The following THSD7B variants were observed in gnomAD, a reference collection of about 807,000 sequenced individuals.
THSD7B encodes the protein thrombospondin type-1 domain-containing protein 7B.
A neutral mutation model predicts 213.6 loss-of-function variants in THSD7B; 138 were observed. That is an observed-to-expected ratio of 0.65 (90% CI 0.56 to 0.74). The LOEUF (loss-of-function observed/expected upper bound fraction) is 0.74, where lower values mean the gene tolerates loss of function less well. Ranked by LOEUF, THSD7B falls within the 30% of genes least tolerant of loss-of-function variation. The pLI is 0.00. For missense variants in THSD7B, 1,931 were observed against 1,991.5 expected (o/e 0.97, Z 0.58); for synonymous variants, 742 against 687.0 (o/e 1.08, Z -1.25).
chr2:137,203,925 C>T (rs544223940), intron 7 of THSD7B, among the ~76,000 whole-genome samples: 1 of 152,076 alleles, frequency 6.6e-6, no homozygotes, highest in African/African-American at 2.4e-5. Flanking sequence ...CTCCTCACAA[C>T]CTTTTCCTTG....
intron 15 of THSD7B, among the ~76,000 whole-genome samples, chr2:137,519,287 A>G (rs910108012): frequency 2.5e-5 from 3 of 119,800 alleles, no homozygotes; most frequent in African/African-American, 1.0e-4. Context: ...GAAAAAGGAA[A>G]AGGCCATTAT....
At chr2:137,154,221 T>C (rs910426654) in intron 5 of THSD7B, among the ~76,000 whole-genome samples, 6 of 152,252 alleles carry the variant, frequency 3.9e-5, no homozygotes, top group African/African-American at 1.2e-4. Context: ...AATCTCTACT[T>C]TTTTGAAAAT....
intron 15 of THSD7B, among the ~76,000 whole-genome samples, chr2:137,487,390 A>AAAAAAAAAAAAAAAC (rs1688481977): frequency 7.2e-6 from 1 of 138,586 alleles, no homozygotes; most frequent in Non-Finnish European, 1.6e-5. Context: ...AAAAAAAAAA[A>AAAAAAAAAAAAAAAC]AAAAAAAAAG....
At chr2:137,299,277 T>G (rs989241653) in intron 12 of THSD7B, among the ~76,000 whole-genome samples, 4 of 152,176 alleles carry the variant, frequency 2.6e-5, no homozygotes, top group African/African-American at 9.6e-5. Flanking sequence ...TGGCTGTATT[T>G]ACTCAATACC....
intron 12 of THSD7B, among the ~76,000 whole-genome samples, chr2:137,326,749 C>T (rs1373345015): frequency 6.6e-6 from 1 of 152,122 alleles, no homozygotes; most frequent in Non-Finnish European, 1.5e-5. Flanking sequence ...TTTTGGGGGA[C>T]TTAAAATACA....
rs143627045 is a variant in THSD7B, at chr2:137,624,504, A to C, written c.3799+3778A>C. ...GGATCTAATTAAAGAGCTACTGCAC[A>C]GCAAAAGAAACTACCATCAGAGTGA... On this transcript the variant is annotated intron_variant, in intron 20 of 27. Coordinates refer to ENST00000409968, the MANE Select transcript of THSD7B (RefSeq NM_001316349.2). Among the ~76,000 whole-genome samples, 379 of 152,372 alleles carry C rather than the reference A, an allele frequency of 2.5e-3. 3 individuals are homozygous for C. Among genetic ancestry groups the C allele is most frequent in the African/African-American group, 8.9e-3 (371 of 41,598 alleles).
At chr2:137,162,856 T>G (rs1261177534) in intron 6 of THSD7B, among the ~76,000 whole-genome samples, 1 of 152,028 alleles carries the variant, frequency 6.6e-6, no homozygotes, top group Non-Finnish European at 1.5e-5. Flanking sequence ...GCCTCCTGGG[T>G]TCAAGCAATT....
At chr2:136,825,078 G>A (rs906111050) in intron 1 of THSD7B, among the ~76,000 whole-genome samples, 2 of 152,042 alleles carry the variant, frequency 1.3e-5, no homozygotes, top group African/African-American at 4.8e-5. Flanking sequence ...TTTAGAATGT[G>A]ATTTCTTTTT....
chr2:136,901,463 A>G (rs1684061879), intron 2 of THSD7B, among the ~76,000 whole-genome samples: 1 of 152,218 alleles, frequency 6.6e-6, no homozygotes, highest in Non-Finnish European at 1.5e-5. Context: ...GAGAAAGCCC[A>G]TGTGCTTCCT....
At chr2:136,931,827 A>G (rs536071600) in intron 2 of THSD7B, among the ~76,000 whole-genome samples, 2 of 152,314 alleles carry the variant, frequency 1.3e-5, no homozygotes, top group South Asian at 2.1e-4. Flanking sequence ...TATAACACTT[A>G]TAGTATATTG....
chr2:137,030,100 T>A (rs1293902458), intron 2 of THSD7B, among the ~76,000 whole-genome samples: 1 of 152,002 alleles, frequency 6.6e-6, no homozygotes, highest in African/African-American at 2.4e-5. Context: ...TTTGCATGTG[T>A]GGGTGCGTGC....
chr2:137,254,169 A>C (rs1197620705), intron 10 of THSD7B, among the ~76,000 whole-genome samples: 2 of 152,224 alleles, frequency 1.3e-5, no homozygotes, highest in Non-Finnish European at 2.9e-5. Flanking sequence ...AAGTTGCTAC[A>C]TATAGATGGT....
chr2:137,554,625 T>C (rs529037232), intron 15 of THSD7B, among the ~76,000 whole-genome samples: 3 of 152,280 alleles, frequency 2.0e-5, no homozygotes, highest in Admixed American at 6.5e-5. Flanking sequence ...ATGTGAGTGA[T>C]GCAGAGGTTG....
intron 2 of THSD7B, among the ~76,000 whole-genome samples, chr2:136,982,704 GT>G (rs1685604206): frequency 1.3e-5 from 2 of 152,040 alleles, no homozygotes; most frequent in South Asian, 4.1e-4. Context: ...TTTCCCCTAA[GT>G]TGAAAAACAA....
chr2:137,284,882 T>C (rs1683129049), intron 12 of THSD7B, among the ~76,000 whole-genome samples: 2 of 152,116 alleles, frequency 1.3e-5, no homozygotes, highest in South Asian at 4.2e-4. Context: ...TTCTGTTGAT[T>C]TGGGGTGGAG....
intron 2 of THSD7B, among the ~76,000 whole-genome samples, chr2:136,929,906 C>G (rs1191902016): frequency 6.6e-6 from 1 of 152,130 alleles, no homozygotes. Flanking sequence ...AGAAACATAA[C>G]ATTTTCATGA....
intron 15 of THSD7B, among the ~76,000 whole-genome samples, chr2:137,503,089 A>G (rs1679747533): frequency 6.6e-6 from 1 of 152,224 alleles, no homozygotes; most frequent in Non-Finnish European, 1.5e-5. Context: ...TTATGTACAG[A>G]GTATCATGCA....
At chr2:137,152,933 G>C (rs1679846216) in intron 5 of THSD7B, among the ~76,000 whole-genome samples, 1 of 152,036 alleles carries the variant, frequency 6.6e-6, no homozygotes, top group South Asian at 2.1e-4. Flanking sequence ...TTTCTCTTCT[G>C]TGTCATCAAT....
intron 15 of THSD7B, among the ~76,000 whole-genome samples, chr2:137,544,468 G>T (rs1294534786): frequency 6.6e-6 from 1 of 151,704 alleles, no homozygotes; most frequent in Non-Finnish European, 1.5e-5. Context: ...GGCAGTGACT[G>T]CTAATGAGTA....
Sources: gnomAD v4.1 joint callset for allele counts (sites outside exome capture counted in the v4.1 genomes callset) on GRCh38, gnomAD v4.1.1 for gene constraint, MANE v1.5 for transcripts, NCBI Gene and HGNC (gene_info 2026-07-23, HGNC 2026-07-21) for gene names.